The following GIPR variants were observed in gnomAD, a reference collection of about 807,000 sequenced individuals.
GIPR encodes gastric inhibitory polypeptide receptor.
GIPR carries 74 observed loss-of-function variants against 62.2 expected under a neutral mutation model. That is an observed-to-expected ratio of 1.19 (90% CI 0.99 to 1.44). GIPR has a LOEUF of 1.44. Among genes scored for constraint, GIPR ranks in the 40% most tolerant of loss-of-function variants. GIPR has a pLI of 0.00. For synonymous variants in GIPR, 256 were observed against 262.2 expected (o/e 0.98, Z 0.23); for missense variants, 664 against 611.8 (o/e 1.09, Z -0.90).
Position 45,678,090 on chromosome 19 carries a change from T to A in GIPR, c.1016T>A (p.Leu339Gln). 1 of 1,612,660 alleles carries A rather than the reference T, an allele frequency of 6.2e-7. No individual in the cohort carries two copies. Among genetic ancestry groups the A allele is most frequent in the Non-Finnish European group, 8.5e-7 (1 of 1,179,980 alleles). ...QMRCRDYRLR[L>Q]ARSTLTLVPL... ...CTGCTGCCGCCCTCTCTCCCCAGGC[T>A]GGCTCGCTCCACGCTGACGCTGGTG... The change falls in exon 12 of 14, where the codon CTG becomes CAG. Residue 339 changes from leucine to glutamine, a missense_variant and splice_region_variant. Coordinates refer to ENST00000590918, the MANE Select transcript of GIPR (RefSeq NM_000164.4).
chr19:45,672,882 C>A lies in GIPR; in HGVS notation c.312C>A (p.Gly104=). ...VAAGFVLRQC[G]SDGQWGLWRD... ...CAGGTTTCGTCCTCCGCCAGTGTGG[C>A]AGTGATGGCCAATGGGGACTTTGGA... Residue 104 remains glycine, a synonymous_variant, in exon 5 of 14, where the codon GGC becomes GGA. Coordinates refer to ENST00000590918, the MANE Select transcript of GIPR (RefSeq NM_000164.4). 6.2e-7 allele frequency: 1 copy of A among 1,613,016 alleles called. No homozygotes were observed. Among genetic ancestry groups the A allele is most frequent in the South Asian group, 1.1e-5 (1 of 91,060 alleles).
In GIPR at chr19:45,680,417, C is replaced by T. The variant is rs73042331; in HGVS notation, c.1153-1187C>T. ...TGGTGCATGCCTGTAGTCTTAGCCA[C>T]TCTGGAGGCTGAAGTGGGAGGATCC... On this transcript the variant is annotated intron_variant, in intron 12 of 13. Transcript: ENST00000590918. Among the ~76,000 whole-genome samples, 1,017 of 152,080 alleles carry T rather than the reference C, an allele frequency of 6.7e-3. 6 individuals are homozygous for T. Among genetic ancestry groups the T allele is most frequent in the Middle Eastern group, 0.051 (15 of 294 alleles).
chr19:45,679,087 T>C (rs1967100903), intron 12 of GIPR, among the ~76,000 whole-genome samples: 1 of 152,128 alleles, frequency 6.6e-6, no homozygotes, highest in Non-Finnish European at 1.5e-5. Context: ...TGAGCATGTG[T>C]ATATGCTAAG....
In GIPR at chr19:45,674,112, C is replaced by T; in HGVS notation, c.423C>T (p.Tyr141=). The change falls in exon 6 of 14, where the codon TAC becomes TAT. Residue 141 remains tyrosine, a synonymous_variant. Transcript: ENST00000590918. ...RLILERLQVM[Y]TVGYSLSLAT... Reference sequence around the variant, plus strand: ...TCTTGGAGCGGTTGCAGGTCATGTACACTGTCGGCTACTCCCTGTCTCTCG... The same window carrying T: ...TCTTGGAGCGGTTGCAGGTCATGTATACTGTCGGCTACTCCCTGTCTCTCG... The T allele has an allele frequency of 6.2e-7, 1 of 1,613,620 alleles. No individual in the cohort carries two copies. Among genetic ancestry groups the T allele is most frequent in the Middle Eastern group, 1.6e-4 (1 of 6,062 alleles).
At chr19:45,671,230 T>G (rs532889352) in intron 3 of GIPR, 55 bp from the exon 4 acceptor site, 2 of 1,010,250 alleles carry the variant, frequency 2.0e-6, no homozygotes, top group Admixed American at 1.7e-5. Flanking sequence ...GCAGTAGCAC[T>G]TGGCCCACTG....
At chr19:45,678,247 G>C (rs1260778743) in intron 12 of GIPR, 21 bp downstream of exon 12, 1 of 1,548,682 alleles carries the variant, frequency 6.5e-7, no homozygotes, top group Non-Finnish European at 8.7e-7. Context: ...AGGGTGCAGG[G>C]GCTCCATCCT....
At position 45,677,226 on chromosome 19, in the gene GIPR, C is replaced by A. The variant is rs1966985482; in HGVS notation, c.794-97C>A. On this transcript the variant is annotated intron_variant, in intron 8 of 13. Transcript: ENST00000590918. ...GTCTCTAGGCTTCTGCCTTCCCCAC[C>A]CCGACAGAGGAATTCCGCGGGTCTT... The A allele has an allele frequency of 3.6e-6, 5 of 1,381,516 alleles. No individual in the cohort carries two copies. In the South Asian group the frequency reaches 6.1e-5, roughly 17 times the overall value. 85.6% of individuals were successfully genotyped at this position (1,381,516 alleles called of 1,614,324 possible).
chr19:45,668,504 T>G (rs933436618), intron 1 of GIPR, among the ~76,000 whole-genome samples: 1 of 152,250 alleles, frequency 6.6e-6, no homozygotes, highest in African/African-American at 2.4e-5. Context: ...TTTCCCCTGC[T>G]CTGTCTCCCT....
rs746846121 is a variant in GIPR, at chr19:45,677,108, G to A, written c.793G>A (p.Gly265Arg). Residue 265 changes from glycine (G) to arginine (R), a missense_variant and splice_region_variant, in exon 8 of 14, where the codon GGG (glycine) becomes AGG (arginine). By Grantham distance (125) the Gly-to-Arg change is moderately radical. Transcript: ENST00000590918. ...HFRYYLLLGWGAPALFVIPWV... is the reference protein window; with the variant it reads ...HFRYYLLLGWRAPALFVIPWV... Reference sequence around the variant, plus strand: ...CCGCTACTACCTGCTCCTCGGCTGGGGTGAGCTCCGATCCCGTCCCCCGCC... The same window carrying A: ...CCGCTACTACCTGCTCCTCGGCTGGAGTGAGCTCCGATCCCGTCCCCCGCC... The A allele has an allele frequency of 8.1e-6, 13 of 1,613,158 alleles. No individual in the cohort carries two copies. The Middle Eastern group carries it at 5.1e-4, about 63-fold the overall frequency.
At position 45,682,162 on chromosome 19, in the gene GIPR, G is replaced by A. The variant is rs1377598210; in HGVS notation, c.*227G>A. 2 of 566,460 alleles carry A rather than the reference G, an allele frequency of 3.5e-6. No individual in the cohort carries two copies. The highest frequency in any genetic ancestry group is 6.2e-6 in the Non-Finnish European group (2 of 320,834). The allele number at this position is 566,460 out of a possible 1,614,324, so 35.1% of individuals were successfully genotyped here. A position where few individuals can be genotyped will look rare whatever the true frequency, so the allele number is the denominator to read the frequency against. On this transcript the variant is annotated 3_prime_UTR_variant, in exon 14 of 14. Coordinates refer to ENST00000590918, the MANE Select transcript of GIPR (RefSeq NM_000164.4). ...AAGGGAAGCGAGAAGGGGGCCTAGG[G>A]TGGTCTGGGAGGCGTCTCCAAGGAG...
In GIPR at chr19:45,671,370, G is replaced by A. The variant is rs749728382; in HGVS notation, c.258G>A (p.Trp86Ter). 1.9e-6 allele frequency: 3 copies of A among 1,609,792 alleles called. No individual in the cohort carries two copies. In the Admixed American group the frequency reaches 5.0e-5, roughly 27 times the overall value. The change falls in exon 4 of 14, where the codon TGG (tryptophan) becomes TGA (stop). Residue 86 changes from tryptophan to a stop codon, truncating the protein, a stop_gained. Transcript: ENST00000590918. LOFTEE classifies it high-confidence loss of function. ...CCACTGCCCGTGCGTCCTGCCCCTG[G>A]TACCTGCCCTGGCACCACCATGGTG... ...PNATARASCP[W>*]YLPWHHHVAA...
chr19:45,676,753 G>A (rs902900097), intron 7 of GIPR, among the ~76,000 whole-genome samples, 196 bp from the exon 8 acceptor site: 1 of 152,106 alleles, frequency 6.6e-6, no homozygotes, highest in Non-Finnish European at 1.5e-5. Context: ...TTGTTAAGGG[G>A]TTCAGAGTGG....
intron 5 of GIPR, among the ~76,000 whole-genome samples, chr19:45,673,576 A>G (rs1387342747): frequency 6.6e-6 from 1 of 152,010 alleles, no homozygotes; most frequent in Non-Finnish European, 1.5e-5. Context: ...CAAAAAATAT[A>G]AAAATTTGGC....
intron 3 of GIPR, among the ~76,000 whole-genome samples, 163 bp downstream of exon 3, chr19:45,670,897 GTTCCT>G (rs1975500214): frequency 6.6e-6 from 1 of 152,046 alleles, no homozygotes; most frequent in Non-Finnish European, 1.5e-5. Flanking sequence ...CGGGACCACG[GTTCCT>G]GGGGGAGGCC....
At position 45,676,932 on chromosome 19, in the gene GIPR, G is replaced by A. The variant is rs755177652; in HGVS notation, c.634-17G>A. 14 of 1,612,904 alleles carry A rather than the reference G, an allele frequency of 8.7e-6. No individual in the cohort carries two copies. Among genetic ancestry groups the A allele is most frequent in the Non-Finnish European group, 1.0e-5 (12 of 1,179,724 alleles). On this transcript the variant is annotated splice_polypyrimidine_tract_variant and intron_variant, in intron 7 of 13. Coordinates refer to ENST00000590918, the MANE Select transcript of GIPR (RefSeq NM_000164.4). ...GGCAGCGCTGACTACCCCTCTACCGGTCTGGCCCCTCCCTAGGCCCTCGCT... is the reference window on the plus strand; with the variant it reads ...GGCAGCGCTGACTACCCCTCTACCGATCTGGCCCCTCCCTAGGCCCTCGCT...
chr19:45,672,932 C>A lies in GIPR; in HGVS notation c.362C>A (p.Pro121Gln). 6.2e-7 allele frequency: 1 copy of A among 1,608,110 alleles called. No homozygotes were observed. The highest frequency in any genetic ancestry group is 1.1e-5 in the South Asian group (1 of 90,958). Residue 121 changes from proline to glutamine, a missense_variant, in exon 5 of 14, where the codon CCA becomes CAA. Pro to Gln is a moderately conservative substitution (Grantham distance 76). Coordinates refer to ENST00000590918, the MANE Select transcript of GIPR (RefSeq NM_000164.4). ...LWRDHTQCENPEKNEAFLDQR... is the reference protein window; with the variant it reads ...LWRDHTQCENQEKNEAFLDQR... ...AGAGACCATACACAATGTGAGAACC[C>A]AGAGAAGAATGAGGCCTTTCTGGTA...
At chr19:45,678,389 A>T (rs1967069524) in intron 12 of GIPR, 163 bp downstream of exon 12, 2 of 859,502 alleles carry the variant, frequency 2.3e-6, no homozygotes, top group Non-Finnish European at 3.7e-6. Context: ...TTTGAGACGG[A>T]TTCTCGCCCT....
At position 45,683,540 on chromosome 19, in the gene GIPR, T is replaced by C. The variant is rs1219309100; in HGVS notation, c.*1605T>C. ...ACATATGCACACTTAAGTTACCGTATGGGTGTTGTCGAGCATTTTCCCTGG... is the reference window on the plus strand; with the variant it reads ...ACATATGCACACTTAAGTTACCGTACGGGTGTTGTCGAGCATTTTCCCTGG... On this transcript the variant is annotated 3_prime_UTR_variant, in exon 14 of 14. Coordinates refer to ENST00000590918, the MANE Select transcript of GIPR (RefSeq NM_000164.4). 6.6e-6 allele frequency: 1 copy of C among 152,212 alleles called. No individual in the cohort carries two copies. The highest frequency in any genetic ancestry group is 1.5e-5 in the Non-Finnish European group (1 of 68,060). 9.4% of individuals were successfully genotyped at this position (152,212 alleles called of 1,614,324 possible).
At chr19:45,669,708 G>A (rs1975437290) in intron 2 of GIPR, 116 bp downstream of exon 2, 5 of 1,377,682 alleles carry the variant, frequency 3.6e-6, no homozygotes, top group African/African-American at 1.4e-5. Context: ...CACTTTGGGA[G>A]GCCGAAGCGG....
Sources: allele counts gnomAD v4.1 joint callset (sites outside exome capture counted in the v4.1 genomes callset), GRCh38; gene constraint gnomAD v4.1.1; transcripts MANE v1.5; gene names NCBI Gene and HGNC (gene_info 2026-07-23, HGNC 2026-07-21).